The following LRRC4C variants were observed in gnomAD, a reference collection of about 807,000 sequenced individuals.
LRRC4C encodes the protein leucine-rich repeat-containing protein 4C.
Under a neutral mutation model 33.6 loss-of-function variants are expected in LRRC4C, and 5 were observed. The ratio of observed to expected loss-of-function variants is 0.15; its 90% CI spans 0.08 to 0.31. The LOEUF is 0.31. Among genes scored for constraint, LRRC4C ranks in the 10% least tolerant of loss-of-function variants. The pLI, the probability that LRRC4C is intolerant of heterozygous loss-of-function variation, is 1.00. For missense variants in LRRC4C, 560 were observed against 796.7 expected (o/e 0.70, Z 3.58); for synonymous variants, 329 against 302.0 (o/e 1.09, Z -0.93).
At chr11:40,147,258 C>T (rs1857815345) in intron 5 of LRRC4C, among the ~76,000 whole-genome samples, 1 of 152,122 alleles carries the variant, frequency 6.6e-6, no homozygotes, top group Admixed American at 6.6e-5. Flanking sequence ...TAATCTTAGG[C>T]TTCAAAAGTT....
chr11:40,747,151 C>T (rs1452162000), intron 2 of LRRC4C, among the ~76,000 whole-genome samples: 2 of 151,650 alleles, frequency 1.3e-5, no homozygotes, highest in Non-Finnish European at 2.9e-5. Context: ...GCCCAAAGAT[C>T]GGGCCCAAGG....
intron 3 of LRRC4C, among the ~76,000 whole-genome samples, chr11:40,330,273 T>A (rs1014539858): frequency 8.5e-5 from 13 of 152,180 alleles, no homozygotes; most frequent in Non-Finnish European, 1.2e-4. Context: ...TCTGTGAGGA[T>A]GTTTCTGGGG....
At chr11:40,969,044 C>T (rs1332444602) in intron 1 of LRRC4C, among the ~76,000 whole-genome samples, 2 of 152,074 alleles carry the variant, frequency 1.3e-5, no homozygotes, top group African/African-American at 4.8e-5. Context: ...TTCCAGATGC[C>T]ATTAAGAACA....
At chr11:40,389,088 A>G (rs1949231979) in intron 3 of LRRC4C, among the ~76,000 whole-genome samples, 1 of 152,114 alleles carries the variant, frequency 6.6e-6, no homozygotes, top group African/African-American at 2.4e-5. Context: ...GATGCATAGG[A>G]AAGGAGAAAG....
chr11:40,599,040 T>C (rs1959684586), intron 3 of LRRC4C, among the ~76,000 whole-genome samples: 1 of 152,196 alleles, frequency 6.6e-6, no homozygotes, highest in African/African-American at 2.4e-5. Context: ...TCATTCTTCT[T>C]TTTTGTTTTT....
chr11:41,257,116 G>A (rs544376753), intron 1 of LRRC4C, among the ~76,000 whole-genome samples: 13 of 151,972 alleles, frequency 8.6e-5, no homozygotes, highest in Middle Eastern at 3.4e-3. Context: ...TTGTGTTGGC[G>A]TTGTGGTAGA....
chr11:40,474,792 T>G, intron 3 of LRRC4C, among the ~76,000 whole-genome samples: 1 of 152,122 alleles, frequency 6.6e-6, no homozygotes, highest in Admixed American at 6.5e-5. Flanking sequence ...CAGACACTTC[T>G]CAAGAAAAGA....
intron 3 of LRRC4C, among the ~76,000 whole-genome samples, chr11:40,395,944 A>C (rs544500505): frequency 1.8e-4 from 28 of 152,216 alleles, no homozygotes; most frequent in African/African-American, 6.5e-4. Context: ...CTGAGATCAC[A>C]CCACTGCACT....
intron 4 of LRRC4C, among the ~76,000 whole-genome samples, chr11:40,275,785 G>A (rs1420046101): frequency 1.3e-5 from 2 of 152,030 alleles, no homozygotes; most frequent in Non-Finnish European, 2.9e-5. Flanking sequence ...TAAAAATTTT[G>A]TTTAAGATCA....
chr11:40,786,861 C>G (rs1950433108), intron 2 of LRRC4C, among the ~76,000 whole-genome samples: 2 of 152,004 alleles, frequency 1.3e-5, no homozygotes, highest in Admixed American at 1.3e-4. Flanking sequence ...CCCCCACCCC[C>G]CATCCAGAAA....
chr11:41,425,785 G>A (rs1590242896), intron 1 of LRRC4C, among the ~76,000 whole-genome samples: 1 of 152,048 alleles, frequency 6.6e-6, no homozygotes, highest in Non-Finnish European at 1.5e-5. Context: ...AGCTATGGGA[G>A]GGGTGATGTG....
intron 1 of LRRC4C, among the ~76,000 whole-genome samples, chr11:41,356,259 C>G (rs777824652): frequency 2.0e-5 from 3 of 152,090 alleles, no homozygotes; most frequent in Non-Finnish European, 4.4e-5. Context: ...GTTATAGGTA[C>G]CAGATGTGAT....
chr11:41,073,044 CA>C (rs1300291354), intron 1 of LRRC4C, among the ~76,000 whole-genome samples: 8 of 152,122 alleles, frequency 5.3e-5, no homozygotes, highest in African/African-American at 1.9e-4. Context: ...CACAATCTGA[CA>C]AAGATAAAAT....
At chr11:41,337,553 C>T (rs967395480) in intron 1 of LRRC4C, among the ~76,000 whole-genome samples, 2 of 152,080 alleles carry the variant, frequency 1.3e-5, no homozygotes, top group East Asian at 3.9e-4. Context: ...GGATTAAAAA[C>T]TTAAATGTAA....
At position 41,262,954 on chromosome 11, in the gene LRRC4C, C is replaced by A. The variant is rs138484936; in HGVS notation, c.-496+196477G>T. On this transcript the variant is annotated intron_variant, in intron 1 of 6. Coordinates refer to ENST00000528697, the MANE Select transcript of LRRC4C (RefSeq NM_001258419.2). ...TTCAATTGCTTTCATATCACATTATCTTAACACATCGCATGGCCTCTTAGT... is the reference window on the plus strand; with the variant it reads ...TTCAATTGCTTTCATATCACATTATATTAACACATCGCATGGCCTCTTAGT... 2.0e-5 allele frequency among the ~76,000 whole-genome samples: 3 copies of A among 152,226 alleles called. No individual in the cohort carries two copies. In the East Asian group the frequency reaches 5.8e-4, roughly 29 times the overall value.
rs375820703 is a variant in LRRC4C, at chr11:40,559,014, A to C, written c.-270+89128T>G. On this transcript the variant is annotated intron_variant, in intron 3 of 6. Transcript: ENST00000528697. ...AGATAATAGTTTTCACCTCCCATCT[A>C]TGTTCCTGCAAAACACATGATCTAA... Among the ~76,000 whole-genome samples the C allele has an allele frequency of 1.3e-4, 20 of 152,178 alleles. No homozygotes were observed. The South Asian group carries it at 4.2e-3, about 32-fold the overall frequency.
At chr11:40,663,361 G>A (rs759465446) in intron 2 of LRRC4C, among the ~76,000 whole-genome samples, 8 of 152,138 alleles carry the variant, frequency 5.3e-5, no homozygotes, top group Non-Finnish European at 7.4e-5. Context: ...GATTACAGGC[G>A]TGAGCCACCG....
intron 3 of LRRC4C, among the ~76,000 whole-genome samples, chr11:40,405,500 G>T (rs1949928465): frequency 6.6e-6 from 1 of 150,946 alleles, no homozygotes; most frequent in Non-Finnish European, 1.5e-5. Flanking sequence ...AGCTGGTCAT[G>T]GTAGTGGGCA....
In LRRC4C at chr11:41,416,986, C is replaced by A. The variant is rs539423624; in HGVS notation, c.-496+42445G>T. Among the ~76,000 whole-genome samples the A allele has an allele frequency of 1.9e-4, 29 of 152,038 alleles. 1 individual carries two copies. Among genetic ancestry groups the A allele is most frequent in the African/African-American group, 6.7e-4 (28 of 41,482 alleles). ...AATGAAAATAAAGGATTCCTAATTC[C>A]AGATGGAAAGCATTTTGGCATTTCC... On this transcript the variant is annotated intron_variant, in intron 1 of 6. Coordinates refer to ENST00000528697, the MANE Select transcript of LRRC4C (RefSeq NM_001258419.2).
Sources: gnomAD v4.1 joint callset for allele counts (sites outside exome capture counted in the v4.1 genomes callset) on GRCh38, gnomAD v4.1.1 for gene constraint, MANE v1.5 for transcripts, NCBI Gene and HGNC (gene_info 2026-07-23, HGNC 2026-07-21) for gene names.